The following RUVBL1 variants were observed in gnomAD, a reference collection of about 807,000 sequenced individuals.
RUVBL1 encodes the protein RuvB like AAA ATPase 1, also known as ruvB-like 1.
In RUVBL1, 4 loss-of-function variants were observed where a neutral mutation model predicts 52.4. The ratio of observed to expected loss-of-function variants is 0.08; its 90% confidence interval spans 0.04 to 0.17. RUVBL1 has a LOEUF of 0.17. RUVBL1 is among the 10% of genes least tolerant of loss of function. The probability of loss-of-function intolerance (pLI) is 1.00; values close to 1 mark genes in which losing one functional copy is unlikely to be tolerated. For missense variants in RUVBL1, 298 were observed against 572.8 expected (o/e 0.52, Z 4.90); for synonymous variants, 217 against 214.4 (o/e 1.01, Z -0.10).
At chr3:128,153,730 C>T in exon 1 of RUVBL1, 1 of 1,556,474 alleles carries the variant, frequency 6.4e-7, no homozygotes, top group African/African-American at 1.4e-5. Flanking sequence ...CCAGGCAGCG[C>T]CCGAGGCCGA....
intron 1 of RUVBL1, among the ~76,000 whole-genome samples, chr3:128,138,368 AG>A (rs1270087593): frequency 6.6e-6 from 1 of 152,186 alleles, no homozygotes; most frequent in Non-Finnish European, 1.5e-5. Context: ...ATAAAGTTGT[AG>A]GATATAAAGT....
intron 7 of RUVBL1, 145 bp downstream of exon 7, chr3:128,098,737 A>G: frequency 1.5e-6 from 1 of 686,118 alleles, no homozygotes; most frequent in Non-Finnish European, 2.5e-6. Context: ...AACTTAGGCT[A>G]GAGTCAAGCT....
chr3:128,077,374 A>T (rs1378445139), downstream of RUVBL1, among the ~76,000 whole-genome samples: 1 of 152,028 alleles, frequency 6.6e-6, no homozygotes, highest in Non-Finnish European at 1.5e-5. Flanking sequence ...TCCCCAGAAC[A>T]AATGGAAGGG....
chr3:128,072,746 T>TAGGCCATC (rs1194724134), intron 9 of RUVBL1, among the ~76,000 whole-genome samples: 1 of 152,128 alleles, frequency 6.6e-6, no homozygotes, highest in Admixed American at 6.5e-5. Context: ...AGGGAAGCAG[T>TAGGCCATC]AGGCCATCTC....
chr3:128,068,560 G>C (rs1298684966), intron 9 of RUVBL1: 1 of 158,770 alleles, frequency 6.3e-6, no homozygotes, highest in African/African-American at 2.4e-5. Flanking sequence ...AGAAGGGATG[G>C]AGCCTGCAGT....
At position 128,087,792 on chromosome 3, in the gene RUVBL1, T is replaced by C; in HGVS notation, c.1033A>G (p.Thr345Ala). 6.2e-7 allele frequency: 1 copy of C among 1,613,696 alleles called. No individual in the cohort carries two copies. The highest frequency in any genetic ancestry group is 1.7e-5 in the Admixed American group (1 of 60,010). The change falls in exon 9 of 11, where the codon ACA becomes GCA. Residue 345 changes from threonine to alanine, a missense_variant. This residue lies in a region of RUVBL1 where 161 missense variants were observed against 298.3 expected (regional missense o/e 0.54). Transcript: ENST00000322623. ...NCVIRGTEDITSPHGIPLDLL... is the reference protein window; with the variant it reads ...NCVIRGTEDIASPHGIPLDLL... Reference sequence around the variant, plus strand: ...TCAAGAGGGATGCCGTGAGGGGATGTGATGTCCTCAGTGCCTCTGTAAGGG... The same window carrying C: ...TCAAGAGGGATGCCGTGAGGGGATGCGATGTCCTCAGTGCCTCTGTAAGGG...
In RUVBL1 at chr3:128,097,213, C is replaced by T; in HGVS notation, c.1016+87G>A. ...ATGACCTCCCCTCATCCCTGTCCCA[C>T]CTCATGGGGTTTGGAGAGATCCTGA... is the stretch of plus-strand genomic sequence containing the variant. On this transcript the variant is annotated intron_variant, in intron 8 of 10. Transcript: ENST00000322623. 3 of 1,317,098 alleles carry T rather than the reference C, an allele frequency of 2.3e-6. No individual in the cohort carries two copies. The South Asian group carries it at 3.8e-5, about 17-fold the overall frequency. 81.6% of individuals were successfully genotyped at this position (1,317,098 alleles called of 1,614,324 possible). A position where few individuals can be genotyped will look rare whatever the true frequency, so the allele number is the denominator to read the frequency against.
chr3:128,126,265 G>T (rs1377648044), upstream of RUVBL1, among the ~76,000 whole-genome samples: 1 of 152,066 alleles, frequency 6.6e-6, no homozygotes. Context: ...TCACTGATGG[G>T]CCAGGGGCGG....
intron 4 of RUVBL1, among the ~76,000 whole-genome samples, chr3:128,103,343 C>G (rs1017713792): frequency 2.6e-5 from 4 of 152,080 alleles, no homozygotes; most frequent in Admixed American, 2.0e-4. Flanking sequence ...GCAGATGCTA[C>G]TGAGAAATCT....
chr3:128,112,827 C>T, intron 3 of RUVBL1, 61 bp downstream of exon 3: 1 of 1,573,430 alleles, frequency 6.4e-7, no homozygotes, highest in South Asian at 1.2e-5. Flanking sequence ...CACAAAGAGG[C>T]TTCGGTGCAC....
chr3:128,126,351 G>C (rs1354170538), upstream of RUVBL1, among the ~76,000 whole-genome samples: 2 of 152,116 alleles, frequency 1.3e-5, no homozygotes, highest in Non-Finnish European at 2.9e-5. Context: ...TTCGAAACCA[G>C]CCCGGCCAAT....
At chr3:128,138,997 G>A (rs1210754641) in intron 1 of RUVBL1, among the ~76,000 whole-genome samples, 1 of 151,982 alleles carries the variant, frequency 6.6e-6, no homozygotes, top group Non-Finnish European at 1.5e-5. Context: ...CCATACGAGA[G>A]AAAATGAAAC....
At chr3:128,123,949 C>T (rs1026358037), upstream of RUVBL1, 2 of 1,229,820 alleles carry the variant, frequency 1.6e-6, no homozygotes, top group East Asian at 3.4e-5. Flanking sequence ...TCTGTGTCTC[C>T]GGGTTGGCTT....
chr3:128,099,046 G>A (rs1301478597), intron 6 of RUVBL1, 101 bp from the exon 7 acceptor site: 4 of 962,318 alleles, frequency 4.2e-6, no homozygotes, highest in Non-Finnish European at 6.7e-6. Context: ...GGATCCTGAG[G>A]TATGGAGACC....
In RUVBL1 at chr3:128,067,185, C is replaced by T. The variant is rs1422998124; in HGVS notation, c.940-1965G>A. ...GCTCTTTGAAGATGAGCTAGCAATG[C>T]AGCTAAGTTGCAGTGGTTTCTATCA... On this transcript the variant is annotated intron_variant, in intron 9 of 9. Transcript: ENST00000464873. The surrounding 1 kb of genome is among the most constrained non-coding windows in gnomAD (Gnocchi z 4.1). 2 of 1,580,442 alleles carry T rather than the reference C, an allele frequency of 1.3e-6. No homozygotes were observed. Among genetic ancestry groups the T allele is most frequent in the Non-Finnish European group, 8.7e-7 (1 of 1,149,516 alleles).
intron 1 of RUVBL1, among the ~76,000 whole-genome samples, chr3:128,152,550 T>C (rs965481174): frequency 2.0e-5 from 3 of 152,184 alleles, no homozygotes; most frequent in East Asian, 1.9e-4. Flanking sequence ...GCTGTATTGT[T>C]TGACTTAGCC....
chr3:128,106,241 A>G (rs765409166), intron 3 of RUVBL1, among the ~76,000 whole-genome samples: 12 of 152,222 alleles, frequency 7.9e-5, no homozygotes, highest in Non-Finnish European at 1.6e-4. Flanking sequence ...TTACATTAGA[A>G]TATTGCAAAT....
At chr3:128,122,852 A>G (rs1471914496) in intron 1 of RUVBL1, among the ~76,000 whole-genome samples, 1 of 152,214 alleles carries the variant, frequency 6.6e-6, no homozygotes, top group African/African-American at 2.4e-5. Flanking sequence ...TGTCAAGCAT[A>G]TACGTGAAGT....
At chr3:128,105,445 T>A (rs1302530792) in intron 3 of RUVBL1, among the ~76,000 whole-genome samples, 1 of 152,132 alleles carries the variant, frequency 6.6e-6, no homozygotes, top group African/African-American at 2.4e-5. Context: ...TAAGGGAACT[T>A]TCTAGGTTCA....
Sources: gnomAD v4.1 joint callset for allele counts (sites outside exome capture counted in the v4.1 genomes callset) on GRCh38, gnomAD v4.1.1 for gene constraint, gnomAD v4.1.1 regional missense constraint, Gnocchi (gnomAD v3.1) non-coding constraint, MANE v1.5 for transcripts, NCBI Gene and HGNC (gene_info 2026-07-23, HGNC 2026-07-21) for gene names.